Variants in SDF4 observed in about 807,000 individuals in gnomAD.
SDF4 encodes the protein 45 kDa calcium-binding protein.
SDF4 carries 22 observed loss-of-function variants against 34.2 expected under a neutral mutation model. That is an observed-to-expected ratio of 0.64 (90% CI 0.46 to 0.92). The LOEUF (loss-of-function observed/expected upper bound fraction) is 0.92. SDF4 is among the 40% of genes least tolerant of loss of function. The probability of loss-of-function intolerance (pLI) is 0.00; values close to 1 mark genes in which losing one functional copy is unlikely to be tolerated. For missense variants in SDF4, 447 were observed against 499.9 expected (o/e 0.89, Z 1.01); for synonymous variants, 236 against 203.1 (o/e 1.16, Z -1.38).
At position 1,228,454 on chromosome 1, in the gene SDF4, A is replaced by C. The variant is rs201969058; in HGVS notation, c.305+14T>G. 5 of 1,589,308 alleles carry C rather than the reference A, an allele frequency of 3.1e-6. No homozygotes were observed. The highest frequency in any genetic ancestry group is 4.3e-6 in the Non-Finnish European group (5 of 1,166,256). ...GCGGACAGCCCCCCAGTCTGGGCACATGGCGGCACCTACTTGGAAAAGATG... is the reference window on the plus strand; with the variant it reads ...GCGGACAGCCCCCCAGTCTGGGCACCTGGCGGCACCTACTTGGAAAAGATG... On this transcript the variant is annotated intron_variant, in intron 2 of 6. Transcript: ENST00000360001.
intron 4 of SDF4, among the ~76,000 whole-genome samples, chr1:1,221,796 C>T (rs1299259193): frequency 6.6e-6 from 1 of 152,132 alleles, no homozygotes; most frequent in African/African-American, 2.4e-5. Context: ...TCTATCCGTA[C>T]AAAAAATACA....
In SDF4 at chr1:1,218,741, G is replaced by C. The variant is rs112680577; in HGVS notation, c.715+28C>G. 1 of 1,611,828 alleles carries C rather than the reference G, an allele frequency of 6.2e-7. No individual in the cohort carries two copies. Among genetic ancestry groups the C allele is most frequent in the African/African-American group, 1.3e-5 (1 of 74,826 alleles). On this transcript the variant is annotated intron_variant, in intron 5 of 6. Transcript: ENST00000360001. This position sits in a 1 kb window ranked among gnomAD's most constrained non-coding sequence, Gnocchi z 7.9. Reference sequence around the variant, plus strand: ...CTGCCAGTCGGTCCTGGGTCCTGGCGTGCCGGCCAGGCTGGACCCAGCCTC... The same window carrying C: ...CTGCCAGTCGGTCCTGGGTCCTGGCCTGCCGGCCAGGCTGGACCCAGCCTC...
intron 2 of SDF4, among the ~76,000 whole-genome samples, chr1:1,227,759 G>A (rs532192774): frequency 3.3e-5 from 5 of 152,190 alleles, no homozygotes; most frequent in Admixed American, 2.0e-4. Context: ...GAGTGGTCAG[G>A]TTGACCCATC....
At position 1,223,853 on chromosome 1, in the gene SDF4, C is replaced by A. The variant is rs766752243; in HGVS notation, c.421G>T (p.Ala141Ser). The A allele has an allele frequency of 3.1e-6, 5 of 1,602,184 alleles. No homozygotes were observed. The highest frequency in any genetic ancestry group is 3.4e-6 in the Non-Finnish European group (4 of 1,179,060). ...GTACCGTCCCCGTCAGGGTCCACGG[C>A]GCGGAAGTGTGTCTTGCTCTCCTCC... is the stretch of plus-strand genomic sequence containing the variant. ...AMEESKTHFR[A>S]VDPDGDGHVS... The change falls in exon 3 of 7, where the codon GCC becomes TCC. Residue 141 changes from alanine (A) to serine (S), a missense_variant. Physicochemically the swap from Ala to Ser is moderately conservative, Grantham distance 99 (BLOSUM62 1). Transcript: ENST00000360001.
At chr1:1,230,199 A>G (rs1024621440) in intron 1 of SDF4, among the ~76,000 whole-genome samples, 1 of 152,160 alleles carries the variant, frequency 6.6e-6, no homozygotes, top group Non-Finnish European at 1.5e-5. Context: ...CTCAACACAC[A>G]TGGACTGAGA....
intron 1 of SDF4, among the ~76,000 whole-genome samples, chr1:1,229,508 G>A (rs557684267): frequency 7.9e-5 from 12 of 152,278 alleles, no homozygotes; most frequent in East Asian, 5.8e-4. Flanking sequence ...CACTGTGCCC[G>A]GTCTTTTTTT....
At chr1:1,224,938 A>G (rs759593900) in intron 2 of SDF4, among the ~76,000 whole-genome samples, 21 of 152,272 alleles carry the variant, frequency 1.4e-4, no homozygotes, top group Non-Finnish European at 2.5e-4. Context: ...AAAATCCTTC[A>G]TATAAATTTA....
chr1:1,219,202 G>GT (rs1649744632), intron 4 of SDF4: 2 of 1,254,802 alleles, frequency 1.6e-6, no homozygotes, highest in Non-Finnish European at 2.0e-6. Flanking sequence ...AGACAGCCTG[G>GT]ACCCCCCCCT....
rs370539182 is a variant in SDF4, at chr1:1,218,406, G to A, written c.891+52C>T. On this transcript the variant is annotated intron_variant, in intron 6 of 6. Coordinates refer to ENST00000360001, the MANE Select transcript of SDF4 (RefSeq NM_016176.6). This position sits in a 1 kb window ranked among gnomAD's most constrained non-coding sequence, Gnocchi z 7.9. ...AGGCCCAGATCCACCAGCCCCTCCC[G>A]CCACAGCACCTCGCAGGGCCGGCTC... is the stretch of plus-strand genomic sequence containing the variant. 4.3e-5 allele frequency: 68 copies of A among 1,573,762 alleles called. 1 individual carries two copies. In the African/African-American group the frequency reaches 6.5e-4, roughly 15 times the overall value.
intron 1 of SDF4, among the ~76,000 whole-genome samples, chr1:1,230,923 C>T (rs1370130262): frequency 6.6e-6 from 1 of 152,226 alleles, no homozygotes; most frequent in Non-Finnish European, 1.5e-5. Context: ...ACGCTGTGTG[C>T]AAAGAGACTG....
intron 4 of SDF4, among the ~76,000 whole-genome samples, chr1:1,222,636 C>T (rs1650034216): frequency 6.6e-6 from 1 of 152,278 alleles, no homozygotes; most frequent in Non-Finnish European, 1.5e-5. Flanking sequence ...CGGGGCAGGC[C>T]CCAACCCAGA....
At chr1:1,219,735 C>G (rs1391342934) in intron 4 of SDF4, 2 of 985,988 alleles carry the variant, frequency 2.0e-6, no homozygotes, top group Non-Finnish European at 2.4e-6. Context: ...GACAGAAACA[C>G]CACCTCCTGC....
At chr1:1,222,287 A>G (rs537355789) in intron 4 of SDF4, among the ~76,000 whole-genome samples, 1 of 152,342 alleles carries the variant, frequency 6.6e-6, no homozygotes, top group African/African-American at 2.4e-5. Context: ...CTGGGCCAGC[A>G]GGGGCTTCTG....
intron 4 of SDF4, chr1:1,220,753 A>C: frequency 7.8e-7 from 1 of 1,288,938 alleles, no homozygotes; most frequent in Non-Finnish European, 1.0e-6. Flanking sequence ...GACCCAAATA[A>C]AGTGGCACCA....
At chr1:1,223,445 G>C in intron 3 of SDF4, 88 bp from the exon 4 acceptor site, 1 of 979,588 alleles carries the variant, frequency 1.0e-6, no homozygotes, top group South Asian at 1.6e-5. Context: ...CTGCTGCCCA[G>C]GCTGGAAGCG....
Position 1,217,740 on chromosome 1 carries a change from G to A in SDF4, c.892-52C>T, listed in dbSNP as rs766571987. The A allele has an allele frequency of 4.8e-5, 77 of 1,609,306 alleles. No individual in the cohort carries two copies. Among genetic ancestry groups the A allele is most frequent in the African/African-American group, 4.0e-4 (30 of 74,792 alleles). Reference sequence around the variant, plus strand: ...CGTCGCCTTTCCCCCTCCGAGCTCCGCGGCCAGCCGCACGAAGTGGCTATT... The same window carrying A: ...CGTCGCCTTTCCCCCTCCGAGCTCCACGGCCAGCCGCACGAAGTGGCTATT... On this transcript the variant is annotated intron_variant, in intron 6 of 6. Coordinates refer to ENST00000360001, the MANE Select transcript of SDF4 (RefSeq NM_016176.6). The surrounding 1 kb of genome is among the most constrained non-coding windows in gnomAD (Gnocchi z 8.5).
intron 4 of SDF4, chr1:1,219,762 C>G: frequency 1.0e-6 from 1 of 985,938 alleles, no homozygotes; most frequent in African/African-American, 1.7e-5. Flanking sequence ...TTGGGGCTCA[C>G]TGCAGTCAGT....
In SDF4 at chr1:1,218,702, A is replaced by C. The variant is rs2100966633; in HGVS notation, c.715+67T>G. ...CCGCAGGACCTGCCCCGACCTCCCG[A>C]CGATGCCCGGCCCCTGCCAGTCGGT... On this transcript the variant is annotated intron_variant, in intron 5 of 6. Transcript: ENST00000360001. The surrounding 1 kb of genome is among the most constrained non-coding windows in gnomAD (Gnocchi z 7.9). 1 of 1,611,288 alleles carries C rather than the reference A, an allele frequency of 6.2e-7. No individual in the cohort carries two copies.
rs771818346 is a variant in SDF4, at chr1:1,217,557, G to A, written c.1023C>T (p.Gly341=). 6.2e-7 allele frequency: 1 copy of A among 1,613,166 alleles called. No individual in the cohort carries two copies. The highest frequency in any genetic ancestry group is 8.5e-7 in the Non-Finnish European group (1 of 1,179,774). ...EVLKYSEFFT[G]SKLVDYARSV... Reference sequence around the variant, plus strand: ...TGCGCGCGTAGTCCACCAGCTTGCTGCCCGTGAAGAACTCGCTGTACTTGA... The same window carrying A: ...TGCGCGCGTAGTCCACCAGCTTGCTACCCGTGAAGAACTCGCTGTACTTGA... The change falls in exon 7 of 7, where the codon GGC becomes GGT. Residue 341 remains glycine (G), a synonymous_variant. Coordinates refer to ENST00000360001, the MANE Select transcript of SDF4 (RefSeq NM_016176.6). This position sits in a 1 kb window ranked among gnomAD's most constrained non-coding sequence, Gnocchi z 8.5.
Sources: gnomAD v4.1 joint callset for allele counts (sites outside exome capture counted in the v4.1 genomes callset) on GRCh38, gnomAD v4.1.1 for gene constraint, Gnocchi (gnomAD v3.1) non-coding constraint, MANE v1.5 for transcripts, NCBI Gene and HGNC (gene_info 2026-07-23, HGNC 2026-07-21) for gene names.